Variants in ZFHX3 observed in about 807,000 individuals in gnomAD.
ZFHX3 encodes zinc finger homeobox protein 3.
Under a neutral mutation model 279.1 loss-of-function variants are expected in ZFHX3, and 42 were observed. The observed-to-expected ratio is 0.15, with a 90% CI of 0.12 to 0.19. The LOEUF (loss-of-function observed/expected upper bound fraction) is 0.19, where lower values mean the gene tolerates loss of function less well. Among genes scored for constraint, ZFHX3 ranks in the 10% least tolerant of loss-of-function variants. ZFHX3 has a pLI of 1.00. For missense variants in ZFHX3, 4,981 were observed against 4,754.0 expected (o/e 1.05, Z -1.40); for synonymous variants, 2,293 against 1,957.8 (o/e 1.17, Z -4.52).
intron 1 of ZFHX3, among the ~76,000 whole-genome samples, chr16:73,055,500 CTTT>C (rs1363837934): frequency 6.6e-6 from 1 of 152,098 alleles, no homozygotes; most frequent in African/African-American, 2.4e-5. Flanking sequence ...TCTGTATATT[CTTT>C]TATTTCCCCA....
intron 2 of ZFHX3, among the ~76,000 whole-genome samples, chr16:73,581,123 C>T (rs572671607): frequency 2.0e-5 from 3 of 151,854 alleles, no homozygotes; most frequent in Admixed American, 1.3e-4. Context: ...TCTTTATTTT[C>T]TCAATTTTTT....
chr16:73,373,821 C>G (rs1465284136), intron 3 of ZFHX3, among the ~76,000 whole-genome samples: 3 of 152,214 alleles, frequency 2.0e-5, no homozygotes, highest in African/African-American at 4.8e-5. Context: ...GAAAGTGTAG[C>G]TGGAAATTTT....
At chr16:73,830,114 GT>G (rs1438485216) in intron 1 of ZFHX3, among the ~76,000 whole-genome samples, 6 of 129,446 alleles carry the variant, frequency 4.6e-5, no homozygotes, top group Non-Finnish European at 9.8e-5. Context: ...GTGGTGCGCC[GT>G]TTTTTAAGCC....
chr16:73,094,117 T>C (rs16971575), intron 7 of ZFHX3, among the ~76,000 whole-genome samples: 8,292 of 152,264 alleles, frequency 0.054, 534 homozygotes, highest in African/African-American at 0.15. Flanking sequence ...AGCTTTCTTA[T>C]AGCCCAGGTA....
At chr16:73,016,834 T>G (rs1964118060) in intron 1 of ZFHX3, among the ~76,000 whole-genome samples, 1 of 151,984 alleles carries the variant, frequency 6.6e-6, no homozygotes, top group African/African-American at 2.4e-5. Flanking sequence ...ATCTCCCCAT[T>G]ACAGCTGAAG....
intron 1 of ZFHX3, among the ~76,000 whole-genome samples, chr16:73,786,046 T>G (rs1959632923): frequency 6.6e-6 from 1 of 152,090 alleles, no homozygotes; most frequent in African/African-American, 2.4e-5. Context: ...AATTTTGTGT[T>G]TTTTAGTAGA....
chr16:73,395,466 A>G (rs1597316692), intron 3 of ZFHX3, among the ~76,000 whole-genome samples: 1 of 152,022 alleles, frequency 6.6e-6, no homozygotes, highest in South Asian at 2.1e-4. Flanking sequence ...TCTGTCTCCA[A>G]AAACACCCCC....
At chr16:73,038,283 G>C (rs1222291562) in intron 1 of ZFHX3, among the ~76,000 whole-genome samples, 1 of 152,202 alleles carries the variant, frequency 6.6e-6, no homozygotes, top group Non-Finnish European at 1.5e-5. Context: ...CTTCCCCACT[G>C]TGGAGGCTGG....
At chr16:72,895,800 G>GCTCACAGAGTGAGACCCTGT (rs2038885379) in intron 3 of ZFHX3, among the ~76,000 whole-genome samples, 2 of 152,160 alleles carry the variant, frequency 1.3e-5, no homozygotes, top group African/African-American at 4.8e-5. Context: ...CTCCACCCTG[G>GCTCACAGAGTGAGACCCTGT]CTCACAGAGT....
At chr16:73,774,700 C>A (rs968148193) in intron 1 of ZFHX3, among the ~76,000 whole-genome samples, 1 of 152,118 alleles carries the variant, frequency 6.6e-6, no homozygotes, top group East Asian at 1.9e-4. Context: ...ACTAAGCCAC[C>A]GATGGTAACT....
intron 5 of ZFHX3, among the ~76,000 whole-genome samples, chr16:73,175,344 C>T (rs1469873044): frequency 6.6e-6 from 1 of 152,154 alleles, no homozygotes; most frequent in South Asian, 2.1e-4. Context: ...TGCACCACTG[C>T]ACTCTAGCCT....
chr16:72,837,172 C>T (rs1230483349), intron 4 of ZFHX3, among the ~76,000 whole-genome samples: 1 of 152,202 alleles, frequency 6.6e-6, no homozygotes, highest in African/African-American at 2.4e-5. Context: ...CCATTGCCTT[C>T]ATCCTTTTCC....
chr16:73,282,935 G>A (rs891066128), intron 4 of ZFHX3, among the ~76,000 whole-genome samples: 1 of 152,094 alleles, frequency 6.6e-6, no homozygotes, highest in Non-Finnish European at 1.5e-5. Context: ...TTATGTGTCA[G>A]GCACTATTCT....
At chr16:72,972,572 C>G (rs1281898122) in intron 1 of ZFHX3, among the ~76,000 whole-genome samples, 1 of 152,158 alleles carries the variant, frequency 6.6e-6, no homozygotes, top group Non-Finnish European at 1.5e-5. Flanking sequence ...ATGTCAAGCC[C>G]CAGCCCAGAG....
chr16:73,245,700 C>A (rs1027597060), intron 5 of ZFHX3, among the ~76,000 whole-genome samples: 8 of 152,116 alleles, frequency 5.3e-5, no homozygotes, highest in Admixed American at 2.0e-4. Context: ...CTACCTGGGC[C>A]CTTCCAGAAC....
intron 3 of ZFHX3, among the ~76,000 whole-genome samples, chr16:72,899,074 T>A (rs1464279397): frequency 2.0e-5 from 3 of 152,240 alleles, no homozygotes; most frequent in Non-Finnish European, 2.9e-5. Flanking sequence ...GGATATCATA[T>A]CAGGAACAGC....
intron 2 of ZFHX3, among the ~76,000 whole-genome samples, chr16:73,585,279 G>A (rs1255971511): frequency 6.6e-6 from 1 of 152,208 alleles, no homozygotes; most frequent in Admixed American, 6.5e-5. Context: ...ATCTGGGTGT[G>A]GTGGCGGGTG....
At chr16:73,799,703 A>C (rs1017604331) in intron 1 of ZFHX3, among the ~76,000 whole-genome samples, 1 of 152,208 alleles carries the variant, frequency 6.6e-6, no homozygotes, top group Non-Finnish European at 1.5e-5. Context: ...TCCTGAGCAG[A>C]AGGGGAAATC....
At chr16:73,868,783 C>CT (rs111418148) in intron 1 of ZFHX3, among the ~76,000 whole-genome samples, 5,882 of 151,872 alleles carry the variant, frequency 0.039, 390 homozygotes, top group African/African-American at 0.13. Flanking sequence ...TTCTTTCTTT[C>CT]TTTTTTTAAT....
Sources: gnomAD v4.1 joint callset for allele counts (sites outside exome capture counted in the v4.1 genomes callset) on GRCh38, gnomAD v4.1.1 for gene constraint, MANE v1.5 for transcripts, NCBI Gene and HGNC (gene_info 2026-07-23, HGNC 2026-07-21) for gene names.